The following DNAH2 variants were observed in gnomAD, a reference collection of about 807,000 sequenced individuals.
DNAH2 encodes the protein axonemal beta dynein heavy chain 2.
A neutral mutation model predicts 523.5 loss-of-function variants in DNAH2; 323 were observed. That is an observed-to-expected ratio of 0.62 (90% CI 0.56 to 0.68). The LOEUF (loss-of-function observed/expected upper bound fraction) is 0.68. DNAH2 is among the 30% of genes least tolerant of loss of function. The pLI is 0.00. For synonymous variants in DNAH2, 2,093 were observed against 2,177.4 expected (o/e 0.96, Z 1.08); for missense variants, 4,907 against 5,701.5 (o/e 0.86, Z 4.49).
Position 7,734,576 on chromosome 17 carries a change from C to T in DNAH2, c.846C>T (p.Arg282=). 1 of 1,613,756 alleles carries T rather than the reference C, an allele frequency of 6.2e-7. No individual in the cohort carries two copies. Among genetic ancestry groups the T allele is most frequent in the Admixed American group, 1.7e-5 (1 of 59,918 alleles). ...CTCTGGAGGAGATTGAGTTCTGGCG[C>T]AACCGATGCATGGACCTGTCTGGCA... ...LGPLEEIEFW[R]NRCMDLSGIS... The change falls in exon 7 of 86, where the codon CGC becomes CGT. Residue 282 remains arginine (R), a synonymous_variant. Coordinates refer to ENST00000572933, the MANE Select transcript of DNAH2 (RefSeq NM_020877.5).
chr17:7,795,173 G>A (rs2077027913), intron 49 of DNAH2, among the ~76,000 whole-genome samples: 1 of 152,026 alleles, frequency 6.6e-6, no homozygotes, highest in Admixed American at 6.6e-5. Flanking sequence ...CTGTAGTAAT[G>A]CAATATTTTT....
At position 7,794,370 on chromosome 17, in the gene DNAH2, A is replaced by G; in HGVS notation, c.7674+12A>G. 1 of 1,598,246 alleles carries G rather than the reference A, an allele frequency of 6.3e-7. No individual in the cohort carries two copies. The highest frequency in any genetic ancestry group is 1.7e-5 in the Admixed American group (1 of 58,266). ...TGACCTTCCCCACAGTGAGGACCTC[A>G]TGGGGGCTGCAGGACGAGGGGAGGG... On this transcript the variant is annotated intron_variant, in intron 49 of 85. Coordinates refer to ENST00000572933, the MANE Select transcript of DNAH2 (RefSeq NM_020877.5).
chr17:7,741,296 T>TC lies in DNAH2; in HGVS notation c.1689+306dup, dbSNP rs1329960162. Reference sequence around the variant, plus strand: ...TTTCTTTCTTTCTTTCTTTCTTTCTTCCTTCCTTCCCTCCCTCCCTCCCTC... The same window carrying TC: ...TTTCTTTCTTTCTTTCTTTCTTTCTTCCCTTCCTTCCCTCCCTCCCTCCCTC... On this transcript the variant is annotated intron_variant, in intron 11 of 85. Transcript: ENST00000572933. Among the ~76,000 whole-genome samples, 296 of 41,844 alleles carry TC rather than the reference T, an allele frequency of 7.1e-3. 5 individuals are homozygous for TC. Among genetic ancestry groups the TC allele is most frequent in the Admixed American group, 0.02 (72 of 3,576 alleles). 27.5% of individuals were successfully genotyped at this position (41,844 alleles called of 152,430 possible).
Position 7,776,014 on chromosome 17 carries a change from CT to C in DNAH2, c.4822-9del, listed in dbSNP as rs758766082. On this transcript the variant is annotated splice_polypyrimidine_tract_variant and intron_variant, in intron 30 of 85. Transcript: ENST00000572933. ...AGGCTGAGCTGCCCTATTCTCCCAC[CT>C]CCCCCCAGTCCTGGCTTGGCGATGT... The C allele has an allele frequency of 6.2e-7, 1 of 1,613,598 alleles. No homozygotes were observed. Among genetic ancestry groups the C allele is most frequent in the Non-Finnish European group, 8.5e-7 (1 of 1,179,616 alleles).
chr17:7,814,547 A>G (rs1166042435), intron 63 of DNAH2, among the ~76,000 whole-genome samples: 1 of 152,246 alleles, frequency 6.6e-6, no homozygotes, highest in Non-Finnish European at 1.5e-5. Flanking sequence ...AGAAGTAACA[A>G]CCAGCATAAA....
At position 7,760,333 on chromosome 17, in the gene DNAH2, C is replaced by T. The variant is rs2075970043; in HGVS notation, c.2785+395C>T. ...CGGAGATCATGCCACTGCATTCCAG[C>T]CTGGGTGACAGAGTGAGACTCCATC... On this transcript the variant is annotated intron_variant, in intron 17 of 85. Transcript: ENST00000572933. The surrounding 1 kb of genome is among the most constrained non-coding windows in gnomAD (Gnocchi z 4.0). Among the ~76,000 whole-genome samples the T allele has an allele frequency of 6.6e-6, 1 of 151,398 alleles. No individual in the cohort carries two copies. Among genetic ancestry groups the T allele is most frequent in the African/African-American group, 2.4e-5 (1 of 41,256 alleles).
intron 2 of DNAH2, among the ~76,000 whole-genome samples, chr17:7,723,206 A>G (rs55801078): frequency 0.041 from 5,946 of 145,908 alleles, 339 homozygotes; most frequent in African/African-American, 0.13. Flanking sequence ...TCCTGACCTC[A>G]TGATCCGCCC....
In DNAH2 at chr17:7,770,823, T is replaced by G. The variant is rs2076294818; in HGVS notation, c.4252T>G (p.Phe1418Val). 1 of 1,614,164 alleles carries G rather than the reference T, an allele frequency of 6.2e-7. No individual in the cohort carries two copies. The highest frequency in any genetic ancestry group is 8.5e-7 in the Non-Finnish European group (1 of 1,180,034). ...TCTGTCTACCATGAAGGCATCACGCTTTGTCAAGGCCTTTGAGAAGGATGT... is the reference window on the plus strand; with the variant it reads ...TCTGTCTACCATGAAGGCATCACGCGTTGTCAAGGCCTTTGAGAAGGATGT... ...VALSTMKASR[F>V]VKAFEKDVDH... is the part of the protein sequence containing the mutation. The change falls in exon 27 of 86, where the codon TTT (phenylalanine) becomes GTT (valine). Residue 1418 changes from phenylalanine (F) to valine (V), a missense_variant. Transcript: ENST00000572933.
At chr17:7,785,322 C>T (rs754032136) in intron 39 of DNAH2, among the ~76,000 whole-genome samples, 8 of 152,128 alleles carry the variant, frequency 5.3e-5, no homozygotes, top group Non-Finnish European at 7.4e-5. Context: ...AGGCTGGTCT[C>T]GAACTCCTGA....
chr17:7,831,008 G>A lies in DNAH2; in HGVS notation c.12231-78G>A. 1 of 1,522,398 alleles carries A rather than the reference G, an allele frequency of 6.6e-7. No homozygotes were observed. Among genetic ancestry groups the A allele is most frequent in the South Asian group, 1.2e-5 (1 of 86,472 alleles). 94.3% of individuals were successfully genotyped at this position (1,522,398 alleles called of 1,614,324 possible). A position where few individuals can be genotyped will look rare whatever the true frequency, so the allele number is the denominator to read the frequency against. ...GCAGGGAGCTGGACAAATTGGACAT[G>A]CATAGGTTTGGGGTCTTGGCCTGGC... On this transcript the variant is annotated intron_variant, in intron 79 of 85. Transcript: ENST00000572933. The surrounding 1 kb of genome is among the most constrained non-coding windows in gnomAD (Gnocchi z 4.2).
intron 12 of DNAH2, among the ~76,000 whole-genome samples, chr17:7,756,133 G>A (rs1377846714): frequency 1.3e-5 from 2 of 151,762 alleles, no homozygotes; most frequent in East Asian, 2.0e-4. Flanking sequence ...CCAGCTACTC[G>A]GGAGGCTGAG....
At chr17:7,766,605 T>C (rs2076174369) in intron 22 of DNAH2, 124 bp downstream of exon 22, 11 of 1,000,814 alleles carry the variant, frequency 1.1e-5, no homozygotes, top group Non-Finnish European at 1.4e-5. Flanking sequence ...TTTGTTTGTT[T>C]CAGTTGAGGT....
At chr17:7,802,128 GC>G in intron 58 of DNAH2, 111 bp downstream of exon 58, 1 of 1,439,668 alleles carries the variant, frequency 6.9e-7, no homozygotes, top group Non-Finnish European at 9.3e-7. Flanking sequence ...CCACAGTTCT[GC>G]CCAGGAAGTT....
At chr17:7,739,635 C>A in intron 8 of DNAH2, 98 bp from the exon 9 acceptor site, 4 of 1,050,128 alleles carry the variant, frequency 3.8e-6, no homozygotes, top group Non-Finnish European at 4.2e-6. Flanking sequence ...TGCCATCACT[C>A]ACAGTGATGT....
chr17:7,735,569 G>GGA (rs1378172518), intron 7 of DNAH2, among the ~76,000 whole-genome samples: 11 of 151,832 alleles, frequency 7.2e-5, no homozygotes, highest in Non-Finnish European at 1.5e-4. Context: ...CTCCTGAGTA[G>GGA]CTGGGACTAC....
In DNAH2 at chr17:7,763,979, G is replaced by T; in HGVS notation, c.3127G>T (p.Ala1043Ser). The T allele has an allele frequency of 6.2e-7, 1 of 1,614,236 alleles. No homozygotes were observed. The highest frequency in any genetic ancestry group is 8.5e-7 in the Non-Finnish European group (1 of 1,180,048). ...NKFATLLREM[A>S]AGRLLELHTY... ...GTTCGCGACTCTGCTCAGGGAGATG[G>T]CTGCTGGGCGCCTCCTGGAGCTGCA... Residue 1043 changes from alanine to serine, a missense_variant, in exon 19 of 86, where the codon GCT (alanine) becomes TCT (serine). This residue lies in a region of DNAH2 where 2,806 missense variants were observed against 3,190.8 expected (regional missense o/e 0.88). Transcript: ENST00000572933.
At chr17:7,797,961 C>T in intron 53 of DNAH2, 132 bp downstream of exon 53, 1 of 1,416,404 alleles carries the variant, frequency 7.1e-7, no homozygotes, top group Non-Finnish European at 9.5e-7. Flanking sequence ...CCCAGATGCC[C>T]TGTGGCAGTG....
chr17:7,737,880 C>A, intron 8 of DNAH2: 1 of 678,948 alleles, frequency 1.5e-6, no homozygotes. Flanking sequence ...GGGGCTGAGA[C>A]ATGAAGCACG....
In DNAH2 at chr17:7,774,995, A is replaced by C; in HGVS notation, c.4719+19A>C. ...CCAGAAGGTCAGTAGAAGTGGCCAC[A>C]GTGAGATGCTGGGTGGCGAAGGGAG... On this transcript the variant is annotated intron_variant, in intron 29 of 85. Coordinates refer to ENST00000572933, the MANE Select transcript of DNAH2 (RefSeq NM_020877.5). 6.2e-7 allele frequency: 1 copy of C among 1,611,326 alleles called. No homozygotes were observed. The highest frequency in any genetic ancestry group is 8.5e-7 in the Non-Finnish European group (1 of 1,178,480).
Sources: gnomAD v4.1 joint callset for allele counts (sites outside exome capture counted in the v4.1 genomes callset) on GRCh38, gnomAD v4.1.1 for gene constraint, gnomAD v4.1.1 regional missense constraint, Gnocchi (gnomAD v3.1) non-coding constraint, MANE v1.5 for transcripts, NCBI Gene and HGNC (gene_info 2026-07-23, HGNC 2026-07-21) for gene names.